DNAH10: variants seen among roughly 807,000 people sequenced by gnomAD.
DNAH10 encodes the protein axonemal beta dynein heavy chain 10.
DNAH10 carries 348 observed loss-of-function variants against 506.6 expected under a neutral mutation model. The ratio of observed to expected loss-of-function variants is 0.69; its 90% confidence interval spans 0.63 to 0.75. DNAH10 has a LOEUF of 0.75. DNAH10 is among the 30% of genes least tolerant of loss of function. The pLI, the probability that DNAH10 is intolerant of heterozygous loss-of-function variation, is 0.00. For synonymous variants in DNAH10, 2,059 were observed against 2,198.6 expected, an observed-to-expected ratio of 0.94 and a Z score of 1.78; for missense variants, 5,179 against 5,787.1, an observed-to-expected ratio of 0.89 and a Z score of 3.41.
In DNAH10 at chr12:123,933,466, A is replaced by AC; in HGVS notation, c.13434dup (p.Lys4479GlnfsTer7). ...CCGCTCCACCTTGTTCACACAAGTG[A>AC]CCAAGTTCCAGGATGCAGATGAAGT... is the stretch of plus-strand genomic sequence containing the variant. On this transcript the variant is annotated frameshift_variant, in exon 77 of 79. Transcript: ENST00000673944. LOFTEE classifies it high-confidence loss of function. 6.2e-7 allele frequency: 1 copy of AC among 1,612,090 alleles called. No homozygotes were observed. Among genetic ancestry groups the AC allele is most frequent in the Admixed American group, 1.7e-5 (1 of 59,892 alleles).
chr12:123,915,535 C>T (rs1954437878), intron 62 of DNAH10, among the ~76,000 whole-genome samples: 1 of 143,560 alleles, frequency 7.0e-6, no homozygotes, highest in African/African-American at 2.7e-5. Context: ...TTCCGTTTCT[C>T]CCTCCCCGAG....
chr12:123,831,096 AT>A (rs1314106346), intron 26 of DNAH10, among the ~76,000 whole-genome samples: 1 of 151,956 alleles, frequency 6.6e-6, no homozygotes, highest in Non-Finnish European at 1.5e-5. Flanking sequence ...GTTTAAAAAA[AT>A]TTTTTCTTAT....
intron 1 of DNAH10, among the ~76,000 whole-genome samples, chr12:123,765,597 T>TATAC (rs1409395751): frequency 6.6e-6 from 1 of 151,172 alleles, no homozygotes; most frequent in Non-Finnish European, 1.5e-5. Context: ...TCTATCTATC[T>TATAC]ATACATACCT....
rs115724985 is a variant in DNAH10, at chr12:123,867,112, G to A, written c.7168-355G>A. On this transcript the variant is annotated intron_variant, in intron 41 of 78. Transcript: ENST00000673944. ...CTGGTGGTGATTGGTGCTTTGATAG[G>A]GAGGGGACCTTCACTGCTTTACAGT... is the stretch of plus-strand genomic sequence containing the variant. 2.8e-3 allele frequency among the ~76,000 whole-genome samples: 432 copies of A among 152,314 alleles called. 4 individuals are homozygous for A. Among genetic ancestry groups the A allele is most frequent in the African/African-American group, 9.6e-3 (401 of 41,570 alleles).
At chr12:123,820,964 A>G (rs1380165127) in intron 24 of DNAH10, among the ~76,000 whole-genome samples, 1 of 152,140 alleles carries the variant, frequency 6.6e-6, no homozygotes, top group African/African-American at 2.4e-5. Context: ...AAGTTCTGGA[A>G]ATAGGCTGGG....
In DNAH10 at chr12:123,931,767, T is replaced by G; in HGVS notation, c.13048T>G (p.Ser4350Ala). The G allele has an allele frequency of 6.2e-7, 1 of 1,614,006 alleles. No homozygotes were observed. Among genetic ancestry groups the G allele is most frequent in the East Asian group, 2.2e-5 (1 of 44,880 alleles). Residue 4350 changes from serine (S) to alanine (A), a missense_variant, in exon 75 of 79, where the codon TCG (serine) becomes GCG (alanine). Physicochemically the swap from Ser to Ala is moderately conservative, Grantham distance 99. Coordinates refer to ENST00000673944, the MANE Select transcript of DNAH10 (RefSeq NM_001372106.1). ...KRLGTGLSPT[S>A]VVLLQELERF... ...CCTCGGAACAGGACTCTCCCCCACT[T>G]CGGTGGTGCTCCTGCAGGAACTGGA...
chr12:123,820,668 T>C lies in DNAH10; in HGVS notation c.4089T>C (p.Asp1363=). Residue 1363 remains aspartate, a synonymous_variant, in exon 24 of 79, where the codon GAT becomes GAC. Coordinates refer to ENST00000673944, the MANE Select transcript of DNAH10 (RefSeq NM_001372106.1). The part of the protein sequence containing the change: ...QELANAEKLF[D]LPITMYPELL... ...TGGCTAACGCTGAGAAACTTTTCGA[T>C]CTTCCTATTACAATGTACCCAGAGC... 1 of 1,614,012 alleles carries C rather than the reference T, an allele frequency of 6.2e-7. No individual in the cohort carries two copies. The highest frequency in any genetic ancestry group is 8.5e-7 in the Non-Finnish European group (1 of 1,179,898).
At chr12:123,805,966 T>C (rs1270947528) in intron 18 of DNAH10, among the ~76,000 whole-genome samples, 2 of 152,012 alleles carry the variant, frequency 1.3e-5, no homozygotes, top group East Asian at 1.9e-4. Context: ...TTAGTAGAGA[T>C]GGGGTTTCAC....
rs553797585 is a variant in DNAH10, at chr12:123,881,478, G to C, written c.8635-147G>C. ...TGAGAAGTGTCTGTTCGTATCCTTCGCCCACTTTTTGATGAAGTTGTTTGA... is the reference window on the plus strand; with the variant it reads ...TGAGAAGTGTCTGTTCGTATCCTTCCCCCACTTTTTGATGAAGTTGTTTGA... On this transcript the variant is annotated intron_variant, in intron 50 of 78. Transcript: ENST00000673944. 3 of 772,928 alleles carry C rather than the reference G, an allele frequency of 3.9e-6. No individual in the cohort carries two copies. In the South Asian group the frequency reaches 6.7e-5, roughly 17 times the overall value. The allele number at this position is 772,928 out of a possible 1,614,324, so 47.9% of individuals were successfully genotyped here.
intron 51 of DNAH10, 177 bp downstream of exon 51, chr12:123,881,990 T>C: frequency 2.0e-6 from 1 of 508,500 alleles, no homozygotes; most frequent in African/African-American, 2.0e-5. Flanking sequence ...ATTACTATAT[T>C]TTAACTGAAT....
chr12:123,824,843 T>A (rs959183652), intron 24 of DNAH10, among the ~76,000 whole-genome samples: 2 of 152,116 alleles, frequency 1.3e-5, no homozygotes, highest in Non-Finnish European at 2.9e-5. Context: ...TAATCCAGTA[T>A]GACCTCACCC....
chr12:123,867,785 A>T (rs1951870089), intron 42 of DNAH10, 118 bp from the exon 43 acceptor site: 1 of 1,333,918 alleles, frequency 7.5e-7, no homozygotes, highest in East Asian at 2.5e-5. Context: ...GTCTGAACCA[A>T]CATGTTGGGT....
chr12:123,833,441 G>A, intron 27 of DNAH10, 94 bp downstream of exon 27: 1 of 946,990 alleles, frequency 1.1e-6, no homozygotes. Context: ...TTTATATGAG[G>A]ATATTTTGTG....
intron 65 of DNAH10, chr12:123,923,058 A>C (rs1566109662): frequency 6.6e-6 from 1 of 151,836 alleles, no homozygotes; most frequent in African/African-American, 2.4e-5. Context: ...GACTTAAACA[A>C]TTTTTTTTTC....
At chr12:123,774,009 TA>T in intron 4 of DNAH10, 139 bp from the exon 5 acceptor site, 1 of 624,066 alleles carries the variant, frequency 1.6e-6, no homozygotes, top group Non-Finnish European at 2.8e-6. Context: ...TAAACACAAA[TA>T]GGGGATATTC....
intron 52 of DNAH10, among the ~76,000 whole-genome samples, chr12:123,890,456 A>G (rs1436660865): frequency 6.8e-6 from 1 of 147,130 alleles, no homozygotes; most frequent in Non-Finnish European, 1.5e-5. Context: ...AAAAAAACAC[A>G]CTTTTTTTTT....
At chr12:123,823,655 G>A (rs772424241) in intron 24 of DNAH10, among the ~76,000 whole-genome samples, 1 of 152,132 alleles carries the variant, frequency 6.6e-6, no homozygotes, top group Non-Finnish European at 1.5e-5. Flanking sequence ...TGTCTATATG[G>A]GATACATAGA....
At position 123,783,123 on chromosome 12, in the gene DNAH10, A is replaced by C. The variant is rs1372140729; in HGVS notation, c.858A>C (p.Glu286Asp). 4 of 1,614,184 alleles carry C rather than the reference A, an allele frequency of 2.5e-6. 1 individual carries two copies. The highest frequency in any genetic ancestry group is 3.3e-4 in the Middle Eastern group (2 of 6,062). The change falls in exon 7 of 79, where the codon GAA (glutamate) becomes GAC (aspartate). Residue 286 changes from glutamate to aspartate, a missense_variant. This residue lies in a region of DNAH10 where 4,844 missense variants were observed against 5,430.5 expected (regional missense o/e 0.89). Transcript: ENST00000673944. ...TTTTCCTAGGTGAGATCAAGTTAGA[A>C]ATGCCAATCATCAGTGTGGAGGGAG... Reference protein sequence around the residue: ...MQQLEGEIKLEMPIISVEGEV... With the variant: ...MQQLEGEIKLDMPIISVEGEV...
chr12:123,810,890 T>C (rs1469402990), intron 19 of DNAH10, among the ~76,000 whole-genome samples: 1 of 152,188 alleles, frequency 6.6e-6, no homozygotes, highest in Non-Finnish European at 1.5e-5. Context: ...TTATGAATAT[T>C]AATCACAATA....
Sources: allele counts gnomAD v4.1 joint callset (sites outside exome capture counted in the v4.1 genomes callset), GRCh38; gene constraint gnomAD v4.1.1; regional missense constraint gnomAD v4.1.1; transcripts MANE v1.5; gene names NCBI Gene and HGNC (gene_info 2026-07-23, HGNC 2026-07-21).